RBM20: variants seen among roughly 807,000 people sequenced by gnomAD.
The protein encoded by RBM20 is RNA binding motif protein 20.
Under a neutral mutation model 110.1 loss-of-function variants are expected in RBM20, and 51 were observed. The observed-to-expected ratio is 0.46, with a 90% confidence interval of 0.37 to 0.59. The LOEUF is 0.59. RBM20 is among the 20% of genes least tolerant of loss of function. RBM20 has a pLI of 0.00. For missense variants in RBM20, 1,512 were observed against 1,574.9 expected, an observed-to-expected ratio of 0.96 and a Z score of 0.68; for synonymous variants, 589 against 618.2, an observed-to-expected ratio of 0.95 and a Z score of 0.70.
chr10:110,777,324 G>A (rs1019831617), intron 1 of RBM20, among the ~76,000 whole-genome samples: 1 of 152,192 alleles, frequency 6.6e-6, no homozygotes, highest in Non-Finnish European at 1.5e-5. Context: ...GTCAGATCAT[G>A]CACCCCAATT....
chr10:110,799,938 A>C lies in RBM20; in HGVS notation c.1800+20A>C. ...CTCAAGGTAAAGCATTATCTTGCTC[A>C]TTCAGTCATTCAACAAGCACCAGAT... On this transcript the variant is annotated intron_variant, in intron 7 of 13. Transcript: ENST00000369519. 6.4e-7 allele frequency: 1 copy of C among 1,550,820 alleles called. No individual in the cohort carries two copies. Among genetic ancestry groups the C allele is most frequent in the Non-Finnish European group, 8.7e-7 (1 of 1,146,062 alleles).
At chr10:110,729,738 G>A (rs373939827) in intron 1 of RBM20, among the ~76,000 whole-genome samples, 1 of 152,154 alleles carries the variant, frequency 6.6e-6, no homozygotes, top group Non-Finnish European at 1.5e-5. Context: ...ATCCACCTCC[G>A]CCCTAGATGC....
intron 1 of RBM20, among the ~76,000 whole-genome samples, chr10:110,665,193 GAATGCCGTCT>G (rs1862159253): frequency 6.6e-6 from 1 of 152,158 alleles, no homozygotes; most frequent in Non-Finnish European, 1.5e-5. Context: ...CTTCATAGAA[GAATGCCGTCT>G]AATAAATACA....
At chr10:110,742,818 G>C (rs1268502360) in intron 1 of RBM20, among the ~76,000 whole-genome samples, 1 of 152,254 alleles carries the variant, frequency 6.6e-6, no homozygotes. Context: ...GCACAAAGCA[G>C]AGGCTCGGGT....
At chr10:110,700,333 G>T (rs1203768762) in intron 1 of RBM20, among the ~76,000 whole-genome samples, 1 of 152,194 alleles carries the variant, frequency 6.6e-6, no homozygotes, top group Non-Finnish European at 1.5e-5. Context: ...AGGATACAGA[G>T]ACCTAGAGGT....
At chr10:110,773,390 T>G (rs187464118) in intron 1 of RBM20, among the ~76,000 whole-genome samples, 3 of 152,156 alleles carry the variant, frequency 2.0e-5, no homozygotes, top group Admixed American at 6.5e-5. Context: ...TATTAAAAAA[T>G]TTTGAAGCAA....
intron 1 of RBM20, among the ~76,000 whole-genome samples, chr10:110,732,253 T>A (rs1371925688): frequency 6.6e-6 from 1 of 152,188 alleles, no homozygotes; most frequent in African/African-American, 2.4e-5. Flanking sequence ...TCGCCCCTGC[T>A]ATTTCTATGG....
At chr10:110,823,717 C>A (rs1004582865) in intron 12 of RBM20, 103 bp downstream of exon 12, 2 of 1,303,152 alleles carry the variant, frequency 1.5e-6, no homozygotes, top group Non-Finnish European at 2.1e-6. Context: ...TTGTTGTTGA[C>A]ATCGTTTTTT....
At chr10:110,690,629 A>G (rs1326227026) in intron 1 of RBM20, among the ~76,000 whole-genome samples, 1 of 152,210 alleles carries the variant, frequency 6.6e-6, no homozygotes, top group South Asian at 2.1e-4. Flanking sequence ...TCATATAAGT[A>G]AAACCATACA....
At chr10:110,774,649 G>A (rs1193527483) in intron 1 of RBM20, among the ~76,000 whole-genome samples, 1 of 151,982 alleles carries the variant, frequency 6.6e-6, no homozygotes, top group Admixed American at 6.6e-5. Flanking sequence ...ATTGGCTTTT[G>A]CGGTTTTTTG....
chr10:110,794,397 T>TGACCTGAAGCCAGACACCACAC (rs1844522178), intron 5 of RBM20, among the ~76,000 whole-genome samples: 1 of 152,256 alleles, frequency 6.6e-6, no homozygotes, highest in Non-Finnish European at 1.5e-5. Flanking sequence ...ATTTACCACA[T>TGACCTGAAGCCAGACACCACAC]GCCCTGAAGC....
At chr10:110,826,706 C>T (rs188573361) in intron 12 of RBM20, among the ~76,000 whole-genome samples, 283 of 152,100 alleles carry the variant, frequency 1.9e-3, no homozygotes, top group African/African-American at 6.6e-3. Flanking sequence ...CCTCAGCCTC[C>T]GGAGTAGCTG....
chr10:110,790,438 CA>C (rs1452399940), intron 5 of RBM20, among the ~76,000 whole-genome samples: 1 of 152,182 alleles, frequency 6.6e-6, no homozygotes, highest in Non-Finnish European at 1.5e-5. Flanking sequence ...GTTCTTTTTA[CA>C]AATCTTACTT....
chr10:110,802,665 A>C (rs1442164028), intron 7 of RBM20, among the ~76,000 whole-genome samples: 3 of 152,246 alleles, frequency 2.0e-5, no homozygotes, highest in Non-Finnish European at 4.4e-5. Flanking sequence ...GGTGCAAAAA[A>C]CATGGGTTAA....
At chr10:110,758,943 A>G (rs1469570652) in intron 1 of RBM20, among the ~76,000 whole-genome samples, 2 of 152,196 alleles carry the variant, frequency 1.3e-5, no homozygotes, top group African/African-American at 4.8e-5. Context: ...GGAAAATTTA[A>G]TGATGTTTCC....
At chr10:110,831,919 G>A (rs146077294) in intron 13 of RBM20, among the ~76,000 whole-genome samples, 5 of 152,090 alleles carry the variant, frequency 3.3e-5, no homozygotes, top group Non-Finnish European at 7.4e-5. Context: ...TCTATACACC[G>A]TATTTCACCC....
At chr10:110,788,343 T>C (rs1284727754) in intron 5 of RBM20, among the ~76,000 whole-genome samples, 1 of 152,218 alleles carries the variant, frequency 6.6e-6, no homozygotes, top group Non-Finnish European at 1.5e-5. Context: ...ATCCACATTC[T>C]TCTGCACCCT....
intron 1 of RBM20, among the ~76,000 whole-genome samples, chr10:110,767,640 C>T (rs565303396): frequency 1.8e-4 from 28 of 152,022 alleles, no homozygotes; most frequent in Middle Eastern, 3.4e-3. Context: ...ACGCTCCTCA[C>T]CTCCCAGACG....
At position 110,826,432 on chromosome 10, in the gene RBM20, T is replaced by A. The variant is rs1844981650; in HGVS notation, c.3451+2818T>A. On this transcript the variant is annotated intron_variant, in intron 12 of 13. Transcript: ENST00000369519. ...CACAGTGCAACCCCCAGGTAAAGGA[T>A]CTCCTTTCTGTCACTAAATATTAGT... Among the ~76,000 whole-genome samples, 3 of 152,138 alleles carry A rather than the reference T, an allele frequency of 2.0e-5. No individual in the cohort carries two copies. In the South Asian group the frequency reaches 6.2e-4, roughly 32 times the overall value.
Sources: gnomAD v4.1 joint callset for allele counts (sites outside exome capture counted in the v4.1 genomes callset) on GRCh38, gnomAD v4.1.1 for gene constraint, MANE v1.5 for transcripts, NCBI Gene and HGNC (gene_info 2026-07-23, HGNC 2026-07-21) for gene names.